The following DOCK1 variants were observed in gnomAD, a reference collection of about 807,000 sequenced individuals.
DOCK1 encodes the protein dedicator of cytokinesis 1.
Under a neutral mutation model 262.7 loss-of-function variants are expected in DOCK1, and 138 were observed. That is an observed-to-expected ratio of 0.53 (90% CI 0.46 to 0.61). The LOEUF is 0.61. Ranked by LOEUF, DOCK1 falls within the 20% of genes least tolerant of loss-of-function variation. The pLI, the probability that DOCK1 is intolerant of heterozygous loss-of-function variation, is 0.00. For missense variants in DOCK1, 1,908 were observed against 2,370.7 expected (o/e 0.80, Z 4.05); for synonymous variants, 866 against 867.4 (o/e 1.00, Z 0.03).
At chr10:127,224,561 A>G (rs887005527) in intron 27 of DOCK1, among the ~76,000 whole-genome samples, 2 of 141,090 alleles carry the variant, frequency 1.4e-5, no homozygotes, top group African/African-American at 5.2e-5. Flanking sequence ...TCTGCTTCAG[A>G]AAAAAAAAAA....
At chr10:127,131,834 G>A (rs960352104) in intron 27 of DOCK1, among the ~76,000 whole-genome samples, 5 of 152,096 alleles carry the variant, frequency 3.3e-5, no homozygotes, top group African/African-American at 1.2e-4. Flanking sequence ...TTATATCTTA[G>A]AGATTTCAGC....
chr10:127,049,493 C>G (rs897220575), intron 21 of DOCK1, among the ~76,000 whole-genome samples: 1 of 151,800 alleles, frequency 6.6e-6, no homozygotes, highest in African/African-American at 2.4e-5. Context: ...TGCACGCCAG[C>G]CTGAGTGACA....
At chr10:127,078,958 C>T (rs2046737481) in intron 23 of DOCK1, among the ~76,000 whole-genome samples, 1 of 152,154 alleles carries the variant, frequency 6.6e-6, no homozygotes. Context: ...ATCTGACCAC[C>T]TATGTCTTTT....
At chr10:127,342,717 T>C (rs2063486320) in intron 30 of DOCK1, among the ~76,000 whole-genome samples, 1 of 152,152 alleles carries the variant, frequency 6.6e-6, no homozygotes, top group African/African-American at 2.4e-5. Context: ...TATCCCTGGT[T>C]TGTAAATGAG....
intron 1 of DOCK1, among the ~76,000 whole-genome samples, chr10:126,934,115 C>T (rs1331517647): frequency 6.6e-6 from 1 of 152,160 alleles, no homozygotes; most frequent in East Asian, 1.9e-4. Flanking sequence ...CTGCACCCAA[C>T]CTATTTTACT....
intron 29 of DOCK1, among the ~76,000 whole-genome samples, chr10:127,271,648 C>G (rs771347838): frequency 6.6e-6 from 1 of 152,184 alleles, no homozygotes; most frequent in Non-Finnish European, 1.5e-5. Context: ...GATATCTCTT[C>G]TGAACATTTC....
At chr10:127,058,213 A>G (rs1185895032) in intron 22 of DOCK1, among the ~76,000 whole-genome samples, 1 of 152,168 alleles carries the variant, frequency 6.6e-6, no homozygotes, top group African/African-American at 2.4e-5. Flanking sequence ...TTTAAAAAAT[A>G]TTAAAGATTC....
rs551011809 is a variant in DOCK1, at chr10:127,207,379, T to TG, written c.2848-40628dup. 1.0e-3 allele frequency among the ~76,000 whole-genome samples: 153 copies of TG among 152,316 alleles called. 1 individual carries two copies. Among genetic ancestry groups the TG allele is most frequent in the African/African-American group, 3.4e-3 (141 of 41,564 alleles). On this transcript the variant is annotated intron_variant, in intron 27 of 51. Transcript: ENST00000623213. ...AGGAAGTTGGGGGGTGATTAGGAAT[T>TG]GTCTCCAGAAATACCAGATAAACAG...
intron 1 of DOCK1, among the ~76,000 whole-genome samples, chr10:126,916,697 C>T (rs2032535229): frequency 6.6e-6 from 1 of 151,676 alleles, no homozygotes. Context: ...TCCTTCCTTT[C>T]CTCCCCTCCT....
chr10:127,074,925 G>T (rs1443991293), intron 23 of DOCK1, among the ~76,000 whole-genome samples: 1 of 152,092 alleles, frequency 6.6e-6, no homozygotes, highest in Non-Finnish European at 1.5e-5. Flanking sequence ...ACTCTGGGAT[G>T]CTGAGGCAGG....
At chr10:127,195,635 GT>G (rs1293453718) in intron 27 of DOCK1, among the ~76,000 whole-genome samples, 5 of 152,160 alleles carry the variant, frequency 3.3e-5, no homozygotes. Context: ...AGATCTCCCA[GT>G]TTTGCCTGGC....
chr10:127,296,460 G>A (rs1486290450), intron 29 of DOCK1, among the ~76,000 whole-genome samples: 1 of 152,178 alleles, frequency 6.6e-6, no homozygotes, highest in Non-Finnish European at 1.5e-5. Context: ...CCAGCAGTGG[G>A]GTTTGCTCTT....
intron 49 of DOCK1, 81 bp from the exon 50 acceptor site, chr10:127,444,045 C>T: frequency 6.6e-7 from 1 of 1,524,520 alleles, no homozygotes; most frequent in Admixed American, 2.0e-5. Context: ...GGGGTCAGGA[C>T]TTCAACATAG....
intron 33 of DOCK1, among the ~76,000 whole-genome samples, chr10:127,365,844 G>A (rs570044318): frequency 6.9e-4 from 105 of 152,266 alleles, no homozygotes; most frequent in Non-Finnish European, 1.3e-3. Flanking sequence ...GAAATGGTCC[G>A]AAGTTAACGA....
intron 44 of DOCK1, among the ~76,000 whole-genome samples, chr10:127,417,088 C>T (rs1421706158): frequency 6.6e-6 from 1 of 152,202 alleles, no homozygotes; most frequent in Non-Finnish European, 1.5e-5. Context: ...CTGCCCCACC[C>T]CCAGCTCCCA....
In DOCK1 at chr10:127,357,798, G is replaced by A. The variant is rs114547645; in HGVS notation, c.3283+3071G>A. On this transcript the variant is annotated intron_variant, in intron 32 of 51. Coordinates refer to ENST00000623213, the MANE Select transcript of DOCK1 (RefSeq NM_001290223.2). ...TAAGTTATCTTTCAAAGTGAGGGAG[G>A]TGATCTTAAAAGCACCTGCAGCCCA... is the stretch of plus-strand genomic sequence containing the variant. Among the ~76,000 whole-genome samples the A allele has an allele frequency of 5.8e-3, 877 of 152,178 alleles. 10 individuals carry two copies. The highest frequency in any genetic ancestry group is 0.02 in the African/African-American group (829 of 41,504).
chr10:126,949,362 A>G (rs1459418691), intron 1 of DOCK1, among the ~76,000 whole-genome samples: 3 of 152,094 alleles, frequency 2.0e-5, no homozygotes, highest in South Asian at 2.1e-4. Context: ...TGACAAGTGC[A>G]ACCCAGGCAG....
At position 127,067,923 on chromosome 10, in the gene DOCK1, C is replaced by G. The variant is rs543766644; in HGVS notation, c.2445+6147C>G. On this transcript the variant is annotated intron_variant, in intron 23 of 51. Coordinates refer to ENST00000623213, the MANE Select transcript of DOCK1 (RefSeq NM_001290223.2). ...GGGTGAAGATTAATTGAATTTGAGG[C>G]CCCCCAAGCTGAGGTTGGCACACAG... is the stretch of plus-strand genomic sequence containing the variant. Among the ~76,000 whole-genome samples, 32 of 152,044 alleles carry G rather than the reference C, an allele frequency of 2.1e-4. No individual in the cohort carries two copies. The South Asian group carries it at 6.2e-3, about 30-fold the overall frequency.
chr10:127,133,245 T>A (rs2050431147), intron 27 of DOCK1, among the ~76,000 whole-genome samples: 1 of 152,198 alleles, frequency 6.6e-6, no homozygotes, highest in African/African-American at 2.4e-5. Flanking sequence ...GAATAGTGCC[T>A]TTTACCCAAG....
Sources: gnomAD v4.1 joint callset for allele counts (sites outside exome capture counted in the v4.1 genomes callset) on GRCh38, gnomAD v4.1.1 for gene constraint, MANE v1.5 for transcripts, NCBI Gene and HGNC (gene_info 2026-07-23, HGNC 2026-07-21) for gene names.